The following ADAMTS9 variants were observed in gnomAD, a reference collection of about 807,000 sequenced individuals.
ADAMTS9 encodes A disintegrin and metalloproteinase with thrombospondin motifs 9.
ADAMTS9 carries 107 observed loss-of-function variants against 257.1 expected under a neutral mutation model. The observed-to-expected ratio is 0.42, with a 90% CI of 0.36 to 0.49. The LOEUF (loss-of-function observed/expected upper bound fraction) is 0.49. ADAMTS9 is among the 20% of genes least tolerant of loss of function. The probability of loss-of-function intolerance (pLI) is 0.03; values close to 1 mark genes in which losing one functional copy is unlikely to be tolerated. For synonymous variants in ADAMTS9, 982 were observed against 880.9 expected, an observed-to-expected ratio of 1.11 and a Z score of -2.03; for missense variants, 2,353 against 2,469.1, an observed-to-expected ratio of 0.95 and a Z score of 1.00.
intron 4 of ADAMTS9, among the ~76,000 whole-genome samples, chr3:64,656,955 G>A (rs1240158754): frequency 7.4e-5 from 3 of 40,400 alleles, no homozygotes; most frequent in East Asian, 8.2e-4. Flanking sequence ...ATCAGGGCTC[G>A]TCTATTAAAA....
At chr3:64,655,463 C>T in intron 6 of ADAMTS9, 113 bp downstream of exon 6, 1 of 842,686 alleles carries the variant, frequency 1.2e-6, no homozygotes, top group East Asian at 2.5e-5. Flanking sequence ...AAAATGTCAA[C>T]AGTGCCTAAG....
intron 14 of ADAMTS9, 104 bp from the exon 15 acceptor site, chr3:64,632,029 G>T: frequency 1.2e-6 from 1 of 825,728 alleles, no homozygotes; most frequent in African/African-American, 1.7e-5. Flanking sequence ...TGACAAGAAA[G>T]TCAAGTCCTT....
intron 37 of ADAMTS9, among the ~76,000 whole-genome samples, chr3:64,538,382 G>C (rs2083075668): frequency 6.6e-6 from 1 of 151,730 alleles, no homozygotes; most frequent in Admixed American, 6.6e-5. Flanking sequence ...TGAAAATTTT[G>C]AGATCTCCCC....
At chr3:64,589,759 A>G (rs932228263) in intron 28 of ADAMTS9, 4 of 152,152 alleles carry the variant, frequency 2.6e-5, no homozygotes, top group Non-Finnish European at 5.9e-5. Flanking sequence ...CCTCCGGGTC[A>G]TTTTTATGAT....
chr3:64,535,546 T>C (rs2083038562), intron 37 of ADAMTS9, among the ~76,000 whole-genome samples: 1 of 128,210 alleles, frequency 7.8e-6, no homozygotes, highest in South Asian at 2.5e-4. Flanking sequence ...TCTTTTCTTT[T>C]CTTTTCTTTT....
chr3:64,606,484 C>CT (rs1450772814), intron 23 of ADAMTS9, among the ~76,000 whole-genome samples: 1 of 152,156 alleles, frequency 6.6e-6, no homozygotes, highest in East Asian at 1.9e-4. Flanking sequence ...TGTTTATAAA[C>CT]TTTGCTTTTA....
At chr3:64,666,992 A>G (rs1701366648) in intron 3 of ADAMTS9, among the ~76,000 whole-genome samples, 1 of 152,146 alleles carries the variant, frequency 6.6e-6, no homozygotes, top group African/African-American at 2.4e-5. Context: ...ACAAAAATCA[A>G]CCAAACAAAT....
At chr3:64,615,519 C>T in intron 20 of ADAMTS9, 34 bp from the exon 21 acceptor site, 3 of 1,574,514 alleles carry the variant, frequency 1.9e-6, no homozygotes, top group African/African-American at 2.7e-5. Context: ...AAAACTGTTG[C>T]TAAGTTTCTT....
chr3:64,655,554 G>C (rs1170275593), intron 6 of ADAMTS9, 22 bp downstream of exon 6: 3 of 1,567,658 alleles, frequency 1.9e-6, no homozygotes, highest in Non-Finnish European at 2.6e-6. Flanking sequence ...TGAAAGATCT[G>C]AGGAATAAGA....
chr3:64,658,840 T>C (rs1701153446), intron 3 of ADAMTS9, 49 bp from the exon 4 acceptor site: 1 of 1,529,414 alleles, frequency 6.5e-7, no homozygotes, highest in Non-Finnish European at 8.8e-7. Context: ...ACATCTATTT[T>C]ATATTAAGAA....
rs191194122 is a variant in ADAMTS9 at position 64,610,714 on chromosome 3, C to A, written c.3354+2631G>T. Among the ~76,000 whole-genome samples, 13 of 151,998 alleles carry A rather than the reference C, an allele frequency of 8.6e-5. No individual in the cohort carries two copies. The East Asian group carries it at 2.5e-3, about 29-fold the overall frequency. On this transcript the variant is annotated intron_variant, in intron 22 of 39. Transcript: ENST00000498707. ...GGCGAGGATGTGGAGAGAATGGAACCCTTGTATTATATGATAATAAAAATG... is the reference window on the plus strand; with the variant it reads ...GGCGAGGATGTGGAGAGAATGGAACACTTGTATTATATGATAATAAAAATG...
chr3:64,564,780 T>C lies in ADAMTS9; in HGVS notation c.4525-3029A>G, dbSNP rs1368647301. The stretch of plus-strand genomic sequence containing the variant: ...TACAAAATCACCCCCATTTGAAAGC[T>C]TAGCTCTAGGCTAAGCATTTTACAT... On this transcript the variant is annotated intron_variant, in intron 29 of 39. Coordinates refer to ENST00000498707, the MANE Select transcript of ADAMTS9 (RefSeq NM_182920.2). 3.3e-5 allele frequency among the ~76,000 whole-genome samples: 5 copies of C among 151,958 alleles called. No homozygotes were observed. The East Asian group carries it at 9.6e-4, about 29-fold the overall frequency.
At chr3:64,606,217 G>C (rs1015582119) in intron 23 of ADAMTS9, among the ~76,000 whole-genome samples, 1 of 152,114 alleles carries the variant, frequency 6.6e-6, no homozygotes, top group East Asian at 1.9e-4. Context: ...CACAAGACTC[G>C]TTTACATTTA....
At chr3:64,521,916 G>C (rs949029943) in intron 39 of ADAMTS9, among the ~76,000 whole-genome samples, 59 of 152,168 alleles carry the variant, frequency 3.9e-4, no homozygotes, top group Admixed American at 3.5e-3. Flanking sequence ...TGTACCTCCT[G>C]AATCTAAAAT....
At chr3:64,601,769 T>A (rs1387456613) in intron 26 of ADAMTS9, among the ~76,000 whole-genome samples, 175 bp downstream of exon 26, 3 of 152,162 alleles carry the variant, frequency 2.0e-5, no homozygotes, top group Admixed American at 1.3e-4. Context: ...GCAGGCAGTA[T>A]CAGTATCATC....
chr3:64,540,439 T>C (rs1221811082), intron 36 of ADAMTS9, among the ~76,000 whole-genome samples: 1 of 152,324 alleles, frequency 6.6e-6, no homozygotes, highest in East Asian at 1.9e-4. Flanking sequence ...GGCGAGAGTA[T>C]GAAATCAGCC....
chr3:64,563,182 C>T (rs139777705), intron 29 of ADAMTS9: 1 of 152,230 alleles, frequency 6.6e-6, no homozygotes, highest in Non-Finnish European at 1.5e-5. Context: ...TAGAGAATGG[C>T]CATTTAATGC....
intron 26 of ADAMTS9, among the ~76,000 whole-genome samples, chr3:64,599,100 G>A (rs942215266): frequency 6.6e-6 from 1 of 152,104 alleles, no homozygotes; most frequent in Non-Finnish European, 1.5e-5. Context: ...TGAAGTGCTG[G>A]TGATAGCTCT....
intron 39 of ADAMTS9, 56 bp downstream of exon 39, chr3:64,522,110 G>T: frequency 1.3e-6 from 2 of 1,504,764 alleles, no homozygotes; most frequent in Non-Finnish European, 1.8e-6. Flanking sequence ...GCTCATATAG[G>T]CTACAGAAAA....
Sources: gnomAD v4.1 joint callset for allele counts (sites outside exome capture counted in the v4.1 genomes callset) on GRCh38, gnomAD v4.1.1 for gene constraint, MANE v1.5 for transcripts, NCBI Gene and HGNC (gene_info 2026-07-23, HGNC 2026-07-21) for gene names.